Variants in SORCS2 observed in about 807,000 individuals in gnomAD.
SORCS2 encodes sortilin related VPS10 domain containing receptor 2, also known as VPS10 domain-containing receptor SorCS2.
In SORCS2, 100 loss-of-function variants were observed where a neutral mutation model predicts 141.6. The ratio of observed to expected loss-of-function variants is 0.71; its 90% CI spans 0.60 to 0.83. The LOEUF (loss-of-function observed/expected upper bound fraction) is 0.83. SORCS2 is among the 40% of genes least tolerant of loss of function. The pLI, the probability that SORCS2 is intolerant of heterozygous loss-of-function variation, is 0.00. For missense variants in SORCS2, 1,646 were observed against 1,560.2 expected (o/e 1.05, Z -0.93); for synonymous variants, 789 against 676.9 (o/e 1.17, Z -2.57).
At chr4:7,359,117 G>A (rs889133310) in intron 1 of SORCS2, among the ~76,000 whole-genome samples, 6 of 152,290 alleles carry the variant, frequency 3.9e-5, no homozygotes, top group African/African-American at 7.2e-5. Flanking sequence ...CCAACATGGC[G>A]AAATCCTGCC....
At chr4:7,671,491 T>A (rs1001207310) in intron 8 of SORCS2, among the ~76,000 whole-genome samples, 1 of 150,790 alleles carries the variant, frequency 6.6e-6, no homozygotes, top group East Asian at 2.0e-4. Context: ...ATGGACAAAA[T>A]GGAAATAGCA....
chr4:7,619,764 T>G (rs566874543), intron 3 of SORCS2, among the ~76,000 whole-genome samples: 15 of 152,270 alleles, frequency 9.9e-5, no homozygotes, highest in African/African-American at 3.4e-4. Flanking sequence ...CACACAGGTA[T>G]CAGGCCGATA....
chr4:7,596,064 C>T (rs1687284888), intron 3 of SORCS2, among the ~76,000 whole-genome samples: 1 of 152,230 alleles, frequency 6.6e-6, no homozygotes, highest in Non-Finnish European at 1.5e-5. Flanking sequence ...CGTGAGGCAG[C>T]ACTCATCCTC....
intron 15 of SORCS2, 91 bp downstream of exon 15, chr4:7,712,944 C>T (rs930625360): frequency 9.9e-6 from 15 of 1,520,354 alleles, no homozygotes; most frequent in South Asian, 2.4e-5. Context: ...CCTGCAAGGC[C>T]GCAGGGCACC....
intron 2 of SORCS2, among the ~76,000 whole-genome samples, chr4:7,438,330 T>G (rs1159520597): frequency 6.6e-6 from 1 of 152,242 alleles, no homozygotes; most frequent in African/African-American, 2.4e-5. Context: ...ACCCAGGTCA[T>G]GCATCGTGTG....
chr4:7,477,386 T>C (rs62277644), intron 2 of SORCS2, among the ~76,000 whole-genome samples: 4 of 135,384 alleles, frequency 3.0e-5, no homozygotes, highest in African/African-American at 1.1e-4. Flanking sequence ...CCGTGGCTGA[T>C]TGGGGCTGAC....
At chr4:7,533,156 G>A (rs1268855684) in intron 3 of SORCS2, among the ~76,000 whole-genome samples, 1 of 152,216 alleles carries the variant, frequency 6.6e-6, no homozygotes, top group Non-Finnish European at 1.5e-5. Flanking sequence ...CTCACACCTG[G>A]TGGTGCAGGG....
intron 21 of SORCS2, among the ~76,000 whole-genome samples, chr4:7,727,924 G>T (rs924118718): frequency 1.3e-5 from 2 of 152,216 alleles, no homozygotes; most frequent in Non-Finnish European, 2.9e-5. Flanking sequence ...CCAGCAAGTT[G>T]AAGTCCATGG....
At chr4:7,522,190 G>A (rs1026452943) in intron 2 of SORCS2, among the ~76,000 whole-genome samples, 4 of 152,170 alleles carry the variant, frequency 2.6e-5, no homozygotes, top group African/African-American at 7.2e-5. Flanking sequence ...TGTGACTTCC[G>A]TGTTCGCAAG....
chr4:7,372,498 G>A (rs1722322601), intron 1 of SORCS2, among the ~76,000 whole-genome samples: 1 of 152,106 alleles, frequency 6.6e-6, no homozygotes, highest in Admixed American at 6.6e-5. Flanking sequence ...AGTAGAGACG[G>A]GGTTTCACCA....
chr4:7,486,619 G>A (rs1402852425), intron 2 of SORCS2, among the ~76,000 whole-genome samples: 1 of 152,192 alleles, frequency 6.6e-6, no homozygotes, highest in Non-Finnish European at 1.5e-5. Flanking sequence ...GCTTCAAACA[G>A]TAGAGAATTA....
chr4:7,226,478 T>C (rs1325715688), intron 1 of SORCS2, among the ~76,000 whole-genome samples: 1 of 151,978 alleles, frequency 6.6e-6, no homozygotes, highest in African/African-American at 2.4e-5. Flanking sequence ...TCCAGACGTC[T>C]GTGACGGCCG....
At chr4:7,580,327 T>G (rs953552137) in intron 3 of SORCS2, among the ~76,000 whole-genome samples, 8 of 151,970 alleles carry the variant, frequency 5.3e-5, no homozygotes, top group South Asian at 2.1e-4. Context: ...ACTAAAAAGA[T>G]GCAGAAAACA....
At chr4:7,581,542 C>A (rs905315176) in intron 3 of SORCS2, among the ~76,000 whole-genome samples, 1 of 152,102 alleles carries the variant, frequency 6.6e-6, no homozygotes, top group Admixed American at 6.6e-5. Flanking sequence ...GGAGGAGGAG[C>A]CCCCGTTGTG....
At chr4:7,710,770 C>T (rs561447027) in intron 14 of SORCS2, among the ~76,000 whole-genome samples, 11 of 152,350 alleles carry the variant, frequency 7.2e-5, no homozygotes, top group Non-Finnish European at 1.2e-4. Flanking sequence ...TCTGCAGAAG[C>T]GGACGGACGC....
At chr4:7,579,536 G>A (rs375656445) in intron 3 of SORCS2, among the ~76,000 whole-genome samples, 6 of 152,226 alleles carry the variant, frequency 3.9e-5, no homozygotes, top group Middle Eastern at 3.4e-3. Flanking sequence ...TTGGTCCTCC[G>A]ACCTCCTTTG....
At chr4:7,498,748 C>T (rs1185225673) in intron 2 of SORCS2, among the ~76,000 whole-genome samples, 1 of 152,244 alleles carries the variant, frequency 6.6e-6, no homozygotes, top group Non-Finnish European at 1.5e-5. Context: ...CCACAGAGTG[C>T]CTACTGGGTG....
chr4:7,354,521 G>A (rs1380852000), intron 1 of SORCS2, among the ~76,000 whole-genome samples: 3 of 152,212 alleles, frequency 2.0e-5, no homozygotes, highest in African/African-American at 7.2e-5. Flanking sequence ...CCTACTCAGA[G>A]GCTACCGTGC....
Position 7,648,798 on chromosome 4 carries a change from C to T in SORCS2, c.814-5336C>T, listed in dbSNP as rs1438089336. On this transcript the variant is annotated intron_variant, in intron 4 of 26. Transcript: ENST00000507866. The surrounding 1 kb of genome is among the most constrained non-coding windows in gnomAD (Gnocchi z 4.2). Reference sequence around the variant, plus strand: ...GGGAGCAATGGGAGTGGACTGAGTGCCGTGGTAGAGGAAGAGAGGCTAGAA... The same window carrying T: ...GGGAGCAATGGGAGTGGACTGAGTGTCGTGGTAGAGGAAGAGAGGCTAGAA... Among the ~76,000 whole-genome samples the T allele has an allele frequency of 6.6e-6, 1 of 151,850 alleles. No individual in the cohort carries two copies. The highest frequency in any genetic ancestry group is 2.4e-5 in the African/African-American group (1 of 41,318).
Sources: allele counts gnomAD v4.1 joint callset (sites outside exome capture counted in the v4.1 genomes callset), GRCh38; gene constraint gnomAD v4.1.1; non-coding constraint Gnocchi (gnomAD v3.1); transcripts MANE v1.5; gene names NCBI Gene and HGNC (gene_info 2026-07-23, HGNC 2026-07-21).